DSCAML1: variants seen among roughly 807,000 people sequenced by gnomAD.
DSCAML1 encodes cell adhesion molecule DSCAML1.
Under a neutral mutation model 200.5 loss-of-function variants are expected in DSCAML1, and 38 were observed. The ratio of observed to expected loss-of-function variants is 0.19; its 90% CI spans 0.15 to 0.25. DSCAML1 has a LOEUF of 0.25. Ranked by LOEUF, DSCAML1 falls within the 10% of genes least tolerant of loss-of-function variation. The pLI is 1.00. For missense variants in DSCAML1, 2,223 were observed against 2,858.8 expected (o/e 0.78, Z 5.07); for synonymous variants, 1,215 against 1,165.0 (o/e 1.04, Z -0.87).
chr11:117,810,859 C>T (rs2134089913), intron 1 of DSCAML1, among the ~76,000 whole-genome samples: 1 of 152,190 alleles, frequency 6.6e-6, no homozygotes, highest in South Asian at 2.1e-4. Flanking sequence ...GCAACTCGTC[C>T]CAAATCTTCC....
chr11:117,438,889 G>C lies in DSCAML1; in HGVS notation c.4239C>G (p.Ile1413Met), dbSNP rs565882812. The change falls in exon 24 of 33, where the codon ATC (isoleucine) becomes ATG (methionine). Residue 1413 changes from isoleucine (I) to methionine (M), a missense_variant. Physicochemically the swap from Ile to Met is conservative, Grantham distance 10. Coordinates refer to ENST00000651296, the MANE Select transcript of DSCAML1 (RefSeq NM_020693.4). ...WIPGDNGGSSIRGFVLQYSVD... is the reference protein window; with the variant it reads ...WIPGDNGGSSMRGFVLQYSVD... Reference sequence around the variant, plus strand: ...CGCATCCAGACCCCTCCTCACCTCGGATGGAGCTGCCCCCATTGTCACCTG... The same window carrying C: ...CGCATCCAGACCCCTCCTCACCTCGCATGGAGCTGCCCCCATTGTCACCTG... 14 of 1,587,122 alleles carry C rather than the reference G, an allele frequency of 8.8e-6. No individual in the cohort carries two copies. In the African/African-American group the frequency reaches 1.9e-4, roughly 22 times the overall value.
At position 117,469,969 on chromosome 11, in the gene DSCAML1, G is replaced by A. The variant is rs902332282; in HGVS notation, c.2965C>T (p.Pro989Ser). 5.0e-6 allele frequency: 8 copies of A among 1,604,812 alleles called. No individual in the cohort carries two copies. Among genetic ancestry groups the A allele is most frequent in the Middle Eastern group, 1.7e-4 (1 of 6,050 alleles). Residue 989 changes from proline to serine, a missense_variant, in exon 16 of 33, where the codon CCC (proline) becomes TCC (serine). Around this residue, in one of 7 missense-constraint regions of DSCAML1, gnomAD observed 438 missense variants for 629.7 expected, o/e 0.70. Transcript: ENST00000651296. The surrounding 1 kb of genome is among the most constrained non-coding windows in gnomAD (Gnocchi z 4.1). ...ISTEEAAPDG[P>S]PMDVTLQPVT... ...GGCTGCAAGGTAACATCCATGGGGG[G>A]CCCATCGGGAGCTGAGCAGGGTAGC... is the stretch of plus-strand genomic sequence containing the variant.
chr11:117,585,247 G>C (rs1331042883), intron 3 of DSCAML1, among the ~76,000 whole-genome samples: 2 of 151,954 alleles, frequency 1.3e-5, no homozygotes, highest in Admixed American at 6.6e-5. Flanking sequence ...GGGGTTTTCT[G>C]CTATTTTTTT....
intron 3 of DSCAML1, among the ~76,000 whole-genome samples, chr11:117,722,433 A>G (rs1363690448): frequency 1.3e-5 from 2 of 152,162 alleles, no homozygotes; most frequent in Non-Finnish European, 2.9e-5. Context: ...TTACTGCTAG[A>G]TAGGAGGAAA....
intron 8 of DSCAML1, among the ~76,000 whole-genome samples, chr11:117,515,775 C>T (rs2049752980): frequency 6.6e-6 from 1 of 151,924 alleles, no homozygotes; most frequent in Non-Finnish European, 1.5e-5. Flanking sequence ...CACCTACCAC[C>T]ACGCCCGGCT....
chr11:117,612,271 C>T (rs1481187477), intron 3 of DSCAML1, among the ~76,000 whole-genome samples: 5 of 152,216 alleles, frequency 3.3e-5, no homozygotes, highest in Non-Finnish European at 7.3e-5. Context: ...CCCACCGCCT[C>T]CCTGTAGCCT....
In DSCAML1 at chr11:117,481,983, C is replaced by T. The variant is rs2048933320; in HGVS notation, c.2539G>A (p.Glu847Lys). 1.2e-6 allele frequency: 2 copies of T among 1,614,006 alleles called. No homozygotes were observed. The highest frequency in any genetic ancestry group is 1.7e-5 in the Admixed American group (1 of 60,006). Residue 847 changes from glutamate (E) to lysine (K), a missense_variant, in exon 12 of 33, where the codon GAG (glutamate) becomes AAG (lysine). Around this residue, in one of 7 missense-constraint regions of DSCAML1, gnomAD observed 438 missense variants for 629.7 expected, o/e 0.70. Transcript: ENST00000651296. ...YAIATKDNGD[E>K]VVSTLKLKPA... is the part of the protein sequence containing the mutation. ...CTCACCTTCAGTGTGGAGACGACCT[C>T]GTCGCCGTTGTCCTTGGTGGCGATG...
intron 31 of DSCAML1, 57 bp downstream of exon 31, chr11:117,431,477 T>TATGAA: frequency 6.9e-7 from 1 of 1,443,260 alleles, no homozygotes; most frequent in Non-Finnish European, 9.3e-7. Context: ...AAGGTGAAGG[T>TATGAA]GAATGATGGG....
intron 3 of DSCAML1, among the ~76,000 whole-genome samples, chr11:117,772,433 G>T (rs2055056335): frequency 6.6e-6 from 1 of 152,162 alleles, no homozygotes; most frequent in Non-Finnish European, 1.5e-5. Flanking sequence ...GCCTGGCAAG[G>T]CACGGTGACA....
intron 3 of DSCAML1, among the ~76,000 whole-genome samples, chr11:117,670,743 T>C (rs1414720977): frequency 6.6e-6 from 1 of 152,184 alleles, no homozygotes; most frequent in Non-Finnish European, 1.5e-5. Context: ...TCCTTACTTC[T>C]ATTGTAGTCC....
Position 117,505,594 on chromosome 11 carries a change from G to C in DSCAML1, c.1922C>G (p.Ser641Trp). The change falls in exon 9 of 33, where the codon TCG becomes TGG. Residue 641 changes from serine (S) to tryptophan (W), a missense_variant. Physicochemically the swap from Ser to Trp is radical, Grantham distance 177. This residue lies in a region of DSCAML1 where 212 missense variants were observed against 368.0 expected (regional missense o/e 0.58). Coordinates refer to ENST00000651296, the MANE Select transcript of DSCAML1 (RefSeq NM_020693.4). This position sits in a 1 kb window ranked among gnomAD's most constrained non-coding sequence, Gnocchi z 6.7. ...RKDGQVIISG[S>W]GVTIESKEFM... ...TTCCTTGCTCTCGATGGTCACGCCC[G>C]AGCCTGAGATGATCACCTGTCCGTC... 1 of 1,613,896 alleles carries C rather than the reference G, an allele frequency of 6.2e-7. No individual in the cohort carries two copies. Among genetic ancestry groups the C allele is most frequent in the Non-Finnish European group, 8.5e-7 (1 of 1,180,022 alleles).
chr11:117,571,398 G>A (rs114554960), intron 3 of DSCAML1, among the ~76,000 whole-genome samples: 354 of 152,292 alleles, frequency 2.3e-3, no homozygotes, highest in African/African-American at 7.9e-3. Context: ...TCCTGAGATC[G>A]TGGACTGAGT....
At chr11:117,502,410 C>G (rs7932097) in intron 11 of DSCAML1, among the ~76,000 whole-genome samples, 2 of 151,994 alleles carry the variant, frequency 1.3e-5, no homozygotes, top group Non-Finnish European at 2.9e-5. Context: ...CCCCGCCTCG[C>G]GCAGCCAGAA....
At chr11:117,654,521 C>T (rs1312654637) in intron 3 of DSCAML1, among the ~76,000 whole-genome samples, 1 of 152,172 alleles carries the variant, frequency 6.6e-6, no homozygotes, top group Non-Finnish European at 1.5e-5. Context: ...TGAGATAGGG[C>T]ACAAATAATT....
intron 17 of DSCAML1, 121 bp from the exon 18 acceptor site, chr11:117,461,717 G>A (rs375314361): frequency 5.7e-6 from 5 of 875,788 alleles, no homozygotes; most frequent in East Asian, 5.1e-5. Context: ...TTAGACAAGT[G>A]GGGGGACCTC....
At chr11:117,569,197 T>C (rs1182387715) in intron 3 of DSCAML1, among the ~76,000 whole-genome samples, 15 of 152,196 alleles carry the variant, frequency 9.9e-5, no homozygotes, top group Non-Finnish European at 1.5e-5. Context: ...ATCCCTTCCT[T>C]ACACCTTATA....
chr11:117,491,941 T>C (rs2049190217), intron 11 of DSCAML1, among the ~76,000 whole-genome samples: 1 of 151,948 alleles, frequency 6.6e-6, no homozygotes, highest in African/African-American at 2.4e-5. Context: ...GACCAAGGGG[T>C]TAGGCTAGTC....
intron 3 of DSCAML1, among the ~76,000 whole-genome samples, chr11:117,545,308 A>G (rs1023623937): frequency 6.6e-6 from 1 of 152,086 alleles, no homozygotes; most frequent in African/African-American, 2.4e-5. Flanking sequence ...GTGAGGACAC[A>G]GCGAGAAGGT....
intron 3 of DSCAML1, among the ~76,000 whole-genome samples, chr11:117,602,984 C>G (rs1204500588): frequency 6.6e-6 from 1 of 152,094 alleles, no homozygotes; most frequent in Non-Finnish European, 1.5e-5. Context: ...TAATCCCAGC[C>G]ACTTGGGAGG....
Sources: gnomAD v4.1 joint callset for allele counts (sites outside exome capture counted in the v4.1 genomes callset) on GRCh38, gnomAD v4.1.1 for gene constraint, gnomAD v4.1.1 regional missense constraint, Gnocchi (gnomAD v3.1) non-coding constraint, MANE v1.5 for transcripts, NCBI Gene and HGNC (gene_info 2026-07-23, HGNC 2026-07-21) for gene names.